Variants in SMPD4 observed in about 807,000 individuals in gnomAD.
SMPD4 encodes the protein sphingomyelin phosphodiesterase 4, also known as neutral sphingomyelinase 3.
In SMPD4, 58 loss-of-function variants were observed where a neutral mutation model predicts 97.8. The ratio of observed to expected loss-of-function variants is 0.59; its 90% CI spans 0.48 to 0.74. The LOEUF (loss-of-function observed/expected upper bound fraction) is 0.74. Among genes scored for constraint, SMPD4 ranks in the 30% least tolerant of loss-of-function variants. SMPD4 has a pLI of 0.00. For missense variants in SMPD4, 853 were observed against 1,080.5 expected, an observed-to-expected ratio of 0.79 and a Z score of 2.95; for synonymous variants, 388 against 450.0, an observed-to-expected ratio of 0.86 and a Z score of 1.74.
In SMPD4 at chr2:130,172,696, G is replaced by A. The variant is rs1448426561; in HGVS notation, c.455-19C>T. On this transcript the variant is annotated intron_variant, in intron 6 of 19. Coordinates refer to ENST00000680298, the MANE Select transcript of SMPD4 (RefSeq NM_017951.5). ...AACGGATCTGAGAGCAGCGTCAGGG[G>A]CAAACATGCAGGGTTGATGAGCCAC... The A allele has an allele frequency of 6.2e-7, 1 of 1,614,088 alleles. No homozygotes were observed. Among genetic ancestry groups the A allele is most frequent in the Admixed American group, 1.7e-5 (1 of 60,006 alleles).
rs753205254 is a variant in SMPD4 at position 130,167,601 on chromosome 2, C to T, written c.660-11G>A. The T allele has an allele frequency of 6.3e-7, 1 of 1,588,634 alleles. No homozygotes were observed. Among genetic ancestry groups the T allele is most frequent in the South Asian group, 1.1e-5 (1 of 88,216 alleles). ...GGTATGGCTGGTGTCCTGAGGGAGA[C>T]ACAGAAACAGGCCCGAGTTACAGGC... On this transcript the variant is annotated splice_polypyrimidine_tract_variant and intron_variant, in intron 8 of 19. Coordinates refer to ENST00000680298, the MANE Select transcript of SMPD4 (RefSeq NM_017951.5).
chr2:130,163,590 C>T (rs1380889529), intron 10 of SMPD4, among the ~76,000 whole-genome samples: 1 of 152,288 alleles, frequency 6.6e-6, no homozygotes, highest in African/African-American at 2.4e-5. Flanking sequence ...GATGCACAGA[C>T]GCCATGGGCA....
chr2:130,177,085 T>C (rs1357903626), intron 1 of SMPD4, among the ~76,000 whole-genome samples: 3 of 152,088 alleles, frequency 2.0e-5, no homozygotes, highest in Non-Finnish European at 4.4e-5. Context: ...TTCTCATGTC[T>C]TACTTATTGA....
intron 5 of SMPD4, among the ~76,000 whole-genome samples, 159 bp downstream of exon 5, chr2:130,173,120 G>A (rs1337527350): frequency 6.6e-6 from 1 of 152,120 alleles, no homozygotes; most frequent in Non-Finnish European, 1.5e-5. Flanking sequence ...GACAGCAAGG[G>A]TAGCAGTCAT....
chr2:130,172,392 G>A lies in SMPD4; in HGVS notation c.616C>T (p.Leu206Phe). The change falls in exon 8 of 20, where the codon CTC becomes TTC. Residue 206 changes from leucine to phenylalanine, a missense_variant. By Grantham distance (22) the Leu-to-Phe change is conservative. Transcript: ENST00000680298. ...CTGGTCCCCCCTGGGCTGGAGGAGAGTGGTGGGGGCACACTGCCTTCGGTG... is the reference window on the plus strand; with the variant it reads ...CTGGTCCCCCCTGGGCTGGAGGAGAATGGTGGGGGCACACTGCCTTCGGTG... ...LPTEGSVPPP[L>F]SSSPGGTSPS... 6.2e-7 allele frequency: 1 copy of A among 1,610,650 alleles called. No homozygotes were observed. Among genetic ancestry groups the A allele is most frequent in the Non-Finnish European group, 8.5e-7 (1 of 1,178,564 alleles).
intron 1 of SMPD4, among the ~76,000 whole-genome samples, chr2:130,179,654 G>A (rs552489916): frequency 2.0e-5 from 3 of 151,778 alleles, no homozygotes; most frequent in East Asian, 3.9e-4. Flanking sequence ...CCAAAGTGCC[G>A]ACTTTTTCAA....
chr2:130,156,523 G>A, intron 13 of SMPD4, 62 bp downstream of exon 13: 2 of 1,519,130 alleles, frequency 1.3e-6, no homozygotes, highest in Non-Finnish European at 1.8e-6. Flanking sequence ...CTGCCCCAAA[G>A]GACCTCCCAC....
At chr2:130,167,122 TTTC>T (rs1417256430) in intron 9 of SMPD4, among the ~76,000 whole-genome samples, 2 of 151,700 alleles carry the variant, frequency 1.3e-5, no homozygotes, top group East Asian at 2.0e-4. Context: ...TTCTTTTCTT[TTTC>T]TTTTTTTTTT....
At chr2:130,155,298 C>A (rs1686667603) in intron 14 of SMPD4, 39 bp from the exon 15 acceptor site, 1 of 1,612,022 alleles carries the variant, frequency 6.2e-7, no homozygotes, top group African/African-American at 1.3e-5. Context: ...AGCCTTCCAA[C>A]TGGAAGCATG....
chr2:130,173,962 T>A (rs572920227), intron 3 of SMPD4, among the ~76,000 whole-genome samples: 1 of 120,056 alleles, frequency 8.3e-6, no homozygotes. Flanking sequence ...TTAAGAAAAA[T>A]AAATAAATTT....
intron 10 of SMPD4, among the ~76,000 whole-genome samples, chr2:130,161,705 A>C (rs1467802142): frequency 2.0e-5 from 3 of 152,142 alleles, no homozygotes; most frequent in Admixed American, 6.5e-5. Flanking sequence ...GCAAATGCAA[A>C]CCAGAGCCCT....
intron 10 of SMPD4, among the ~76,000 whole-genome samples, chr2:130,162,257 G>A (rs1476675611): frequency 3.3e-5 from 5 of 152,244 alleles, no homozygotes; most frequent in African/African-American, 1.2e-4. Context: ...CTGCCCTGCA[G>A]CACCACGGCC....
chr2:130,153,562 G>A, intron 17 of SMPD4, 112 bp from the exon 18 acceptor site: 1 of 1,576,760 alleles, frequency 6.3e-7, no homozygotes, highest in Admixed American at 1.7e-5. Flanking sequence ...TGACGCTCGG[G>A]GTGTGGGCCT....
In SMPD4 at chr2:130,172,875, G is replaced by A. The variant is rs1402613593; in HGVS notation, c.366C>T (p.Ile122=). Residue 122 remains isoleucine, a synonymous_variant, in exon 6 of 20, where the codon ATC becomes ATT. Coordinates refer to ENST00000680298, the MANE Select transcript of SMPD4 (RefSeq NM_017951.5). ...GACTGTCAGGGAGGATGCACTCCTG[G>A]ATGGACGCCTTCACAGGACCCTGCA... ...SYLPGPVKAS[I]QECILPDSPL... 1 of 1,613,036 alleles carries A rather than the reference G, an allele frequency of 6.2e-7. No individual in the cohort carries two copies. The highest frequency in any genetic ancestry group is 1.3e-5 in the African/African-American group (1 of 74,846).
At position 130,152,386 on chromosome 2, in the gene SMPD4, C is replaced by A. The variant is rs375055283; in HGVS notation, c.*169G>T. 2.2e-4 allele frequency: 158 copies of A among 734,652 alleles called. 1 individual carries two copies. The African/African-American group carries it at 2.5e-3, about 11-fold the overall frequency. 45.5% of individuals were successfully genotyped at this position (734,652 alleles called of 1,614,324 possible). ...TCCTTTGCTGGGGCCCACCTGCCTT[C>A]CTTTCTTGGTTGCGTTTCCTCCAGA... On this transcript the variant is annotated 3_prime_UTR_variant, in exon 20 of 20. Transcript: ENST00000680298.
At chr2:130,166,043 C>T (rs1269200138) in intron 9 of SMPD4, among the ~76,000 whole-genome samples, 2 of 151,802 alleles carry the variant, frequency 1.3e-5, no homozygotes, top group East Asian at 1.9e-4. Context: ...CAAAAAGGGC[C>T]GGGCACGGTG....
chr2:130,165,708 G>A (rs1332909008), intron 9 of SMPD4, among the ~76,000 whole-genome samples: 1 of 152,186 alleles, frequency 6.6e-6, no homozygotes, highest in East Asian at 1.9e-4. Context: ...CAGGTGCTGG[G>A]TGGGGAATTG....
At chr2:130,168,475 C>A (rs554841428) in intron 8 of SMPD4, among the ~76,000 whole-genome samples, 28 of 152,180 alleles carry the variant, frequency 1.8e-4, no homozygotes, top group Non-Finnish European at 2.9e-4. Flanking sequence ...GATGTTAATA[C>A]TACTGATAAT....
At chr2:130,167,704 T>C (rs1337922478) in intron 8 of SMPD4, 114 bp from the exon 9 acceptor site, 2 of 1,178,118 alleles carry the variant, frequency 1.7e-6, no homozygotes, top group Non-Finnish European at 2.4e-6. Context: ...AGATTACAAC[T>C]TGTTCAATAG....
Sources: gnomAD v4.1 joint callset for allele counts (sites outside exome capture counted in the v4.1 genomes callset) on GRCh38, gnomAD v4.1.1 for gene constraint, MANE v1.5 for transcripts, NCBI Gene and HGNC (gene_info 2026-07-23, HGNC 2026-07-21) for gene names.